PSD3: variants seen among roughly 807,000 people sequenced by gnomAD.
PSD3 encodes PH and SEC7 domain-containing protein 3.
In PSD3, 49 loss-of-function variants were observed where a neutral mutation model predicts 105.5. The observed-to-expected ratio is 0.46, with a 90% CI of 0.37 to 0.59. The LOEUF (loss-of-function observed/expected upper bound fraction) is 0.59. Ranked by LOEUF, PSD3 falls within the 20% of genes least tolerant of loss-of-function variation. The pLI is 0.00. For synonymous variants in PSD3, 557 were observed against 457.8 expected (o/e 1.22, Z -2.77); for missense variants, 1,561 against 1,263.8 (o/e 1.24, Z -3.57).
At chr8:18,879,080 A>G (rs55651137) in intron 2 of PSD3, among the ~76,000 whole-genome samples, 11,387 of 147,004 alleles carry the variant, frequency 0.077, 330 homozygotes, top group East Asian at 0.11. Context: ...ACACACACAC[A>G]CACACACGCA....
chr8:18,799,133 TAAA>T, intron 8 of PSD3, 159 bp downstream of exon 8: 1 of 652,508 alleles, frequency 1.5e-6, no homozygotes, highest in East Asian at 2.9e-5. Flanking sequence ...GCATGTGAAA[TAAA>T]AAAATTATTT....
chr8:18,935,486 G>A (rs1248871437), intron 2 of PSD3, among the ~76,000 whole-genome samples: 1 of 148,794 alleles, frequency 6.7e-6, no homozygotes, highest in Non-Finnish European at 1.5e-5. Flanking sequence ...GACCAGCCTA[G>A]GTAGCATAGC....
chr8:18,572,669 G>T lies in PSD3; in HGVS notation c.2643C>A (p.Ser881Arg). The T allele has an allele frequency of 1.2e-6, 2 of 1,613,654 alleles. No homozygotes were observed. The highest frequency in any genetic ancestry group is 1.7e-6 in the Non-Finnish European group (2 of 1,179,714). The change falls in exon 14 of 16, where the codon AGC becomes AGA. Residue 881 changes from serine to arginine, a missense_variant. Physicochemically the swap from Ser to Arg is moderately radical, Grantham distance 110. Transcript: ENST00000327040. ...TTATCCACCCTTGCATTTCCTCTGG[G>T]CTCCTATGAGAAATAGATATGTTTA... ...DWRVLLFQTQ[S>R]PEEMQGWINK...
chr8:18,840,583 G>C (rs920387210), intron 4 of PSD3, among the ~76,000 whole-genome samples: 3 of 152,316 alleles, frequency 2.0e-5, no homozygotes, highest in South Asian at 4.1e-4. Flanking sequence ...ACAATCCTGC[G>C]AAGTAGGTAT....
At chr8:18,960,941 G>T (rs185980874) in intron 1 of PSD3, among the ~76,000 whole-genome samples, 2 of 151,812 alleles carry the variant, frequency 1.3e-5, no homozygotes, top group Non-Finnish European at 2.9e-5. Context: ...CAAAAACTAG[G>T]CTGTTGTGGC....
At chr8:19,082,325 G>T (rs1248953774) in intron 1 of PSD3, among the ~76,000 whole-genome samples, 1 of 152,160 alleles carries the variant, frequency 6.6e-6, no homozygotes, top group Non-Finnish European at 1.5e-5. Flanking sequence ...CCTACCTGGT[G>T]TCTCACTGAT....
At chr8:18,994,274 T>C (rs1227753500) in intron 1 of PSD3, among the ~76,000 whole-genome samples, 2 of 152,060 alleles carry the variant, frequency 1.3e-5, no homozygotes, top group Non-Finnish European at 1.5e-5. Context: ...CTGAAGTCAA[T>C]CAACATGTTT....
At chr8:18,736,468 T>G (rs1205881150) in intron 9 of PSD3, among the ~76,000 whole-genome samples, 1 of 152,226 alleles carries the variant, frequency 6.6e-6, no homozygotes, top group African/African-American at 2.4e-5. Context: ...TAGACGAGTA[T>G]GTGTTAGTAA....
intron 10 of PSD3, among the ~76,000 whole-genome samples, chr8:18,642,457 A>G (rs1204846115): frequency 6.6e-6 from 1 of 152,200 alleles, no homozygotes; most frequent in Non-Finnish European, 1.5e-5. Flanking sequence ...ATTATATATC[A>G]TCTTGTATCA....
Position 18,535,191 on chromosome 8 carries a change from A to G in PSD3, c.*552T>C, listed in dbSNP as rs143783847. The G allele has an allele frequency of 5.7e-5, 9 of 157,600 alleles. No individual in the cohort carries two copies. Among genetic ancestry groups the G allele is most frequent in the African/African-American group, 2.2e-4 (9 of 41,570 alleles). 9.8% of individuals were successfully genotyped at this position (157,600 alleles called of 1,614,324 possible). On this transcript the variant is annotated 3_prime_UTR_variant, in exon 16 of 16. Coordinates refer to ENST00000327040, the MANE Select transcript of PSD3 (RefSeq NM_015310.4). ...GGGTCCGATCTCAACAACAAGTGCT[A>G]AGCTGCACATGAAGCTGCCTCATAT...
chr8:18,562,887 TAGATAA>T (rs1801485057), intron 14 of PSD3, among the ~76,000 whole-genome samples: 6 of 140,146 alleles, frequency 4.3e-5, no homozygotes, highest in African/African-American at 1.4e-4. Context: ...AGACTCTGTC[TAGATAA>T]AGAAAAAGAA....
intron 8 of PSD3, among the ~76,000 whole-genome samples, chr8:18,772,947 T>G (rs553957219): frequency 6.6e-6 from 1 of 152,258 alleles, no homozygotes; most frequent in African/African-American, 2.4e-5. Flanking sequence ...CTTATAGGTA[T>G]ATGATTTGTA....
intron 15 of PSD3, among the ~76,000 whole-genome samples, chr8:18,547,743 A>C (rs2130047956): frequency 6.6e-6 from 1 of 152,086 alleles, no homozygotes; most frequent in African/African-American, 2.4e-5. Context: ...TTAATTTTTG[A>C]CAGTTTGATT....
chr8:18,675,664 A>T (rs1423965142), intron 9 of PSD3, among the ~76,000 whole-genome samples: 1 of 152,242 alleles, frequency 6.6e-6, no homozygotes, highest in Non-Finnish European at 1.5e-5. Context: ...CCAAACAGGT[A>T]CACTAAATGT....
intron 1 of PSD3, among the ~76,000 whole-genome samples, chr8:19,068,916 G>C (rs1829164579): frequency 6.6e-6 from 1 of 152,002 alleles, no homozygotes; most frequent in Non-Finnish European, 1.5e-5. Context: ...GCCTGGAAAG[G>C]TGAACAGTCC....
intron 15 of PSD3, among the ~76,000 whole-genome samples, chr8:18,544,196 A>G (rs1800322082): frequency 6.8e-6 from 1 of 146,842 alleles, no homozygotes; most frequent in African/African-American, 2.6e-5. Context: ...AAAAAAAAAA[A>G]AACCAAACAA....
At chr8:18,692,480 C>G (rs1180711024) in intron 9 of PSD3, among the ~76,000 whole-genome samples, 1 of 152,102 alleles carries the variant, frequency 6.6e-6, no homozygotes, top group Non-Finnish European at 1.5e-5. Context: ...AAAGAGGGAA[C>G]AGCAGTCTGT....
At chr8:18,944,205 T>C (rs1169466252) in intron 1 of PSD3, among the ~76,000 whole-genome samples, 2 of 152,318 alleles carry the variant, frequency 1.3e-5, no homozygotes, top group South Asian at 2.1e-4. Flanking sequence ...TTTCACTTTG[T>C]CCAATTACAG....
At chr8:18,879,305 A>ACAGGG (rs1817961430) in intron 2 of PSD3, among the ~76,000 whole-genome samples, 1 of 152,180 alleles carries the variant, frequency 6.6e-6, no homozygotes, top group South Asian at 2.1e-4. Flanking sequence ...TAAGAGGGAG[A>ACAGGG]CAGGGCAAGG....
Sources: gnomAD v4.1 joint callset for allele counts (sites outside exome capture counted in the v4.1 genomes callset) on GRCh38, gnomAD v4.1.1 for gene constraint, MANE v1.5 for transcripts, NCBI Gene and HGNC (gene_info 2026-07-23, HGNC 2026-07-21) for gene names.